Variants in OR2A14 observed in about 807,000 individuals in gnomAD.
The protein encoded by OR2A14 is olfactory receptor 2A14.
OR2A14 carries 2 observed loss-of-function variants against 2.4 expected under a neutral mutation model. The ratio of observed to expected loss-of-function variants is 0.85; its 90% CI spans 0.35 to 2.67. The LOEUF (loss-of-function observed/expected upper bound fraction) is 2.67. OR2A14 is among the 30% of genes most tolerant of loss of function. OR2A14 has a pLI of 0.10. For synonymous variants in OR2A14, 160 were observed against 156.3 expected (o/e 1.02, Z -0.18); for missense variants, 390 against 379.4 (o/e 1.03, Z -0.23).
At chr7:144,124,883 C>A (rs1014661631) in intron 1 of OR2A14, among the ~76,000 whole-genome samples, 1 of 151,948 alleles carries the variant, frequency 6.6e-6, no homozygotes, top group Non-Finnish European at 1.5e-5. Flanking sequence ...GAAATCAAAG[C>A]AAAATGTGTG....
intron 1 of OR2A14, among the ~76,000 whole-genome samples, chr7:144,126,283 A>G (rs1422429664): frequency 3.3e-5 from 5 of 152,246 alleles, no homozygotes; most frequent in Admixed American, 1.3e-4. Context: ...AGCTAAACTG[A>G]TGAATTTTTT....
At chr7:144,124,146 C>G (rs1409782579) in intron 1 of OR2A14, among the ~76,000 whole-genome samples, 1 of 152,118 alleles carries the variant, frequency 6.6e-6, no homozygotes, top group Non-Finnish European at 1.5e-5. Context: ...GCTCAGGAAT[C>G]CATGCTTGTT....
intron 1 of OR2A14, among the ~76,000 whole-genome samples, chr7:144,128,115 T>C (rs1264751965): frequency 6.6e-6 from 1 of 152,194 alleles, no homozygotes; most frequent in African/African-American, 2.4e-5. Context: ...TGGGAATATA[T>C]TGATGACAAA....
Position 144,130,226 on chromosome 7 carries a change from G to C in OR2A14, c.*181G>C, listed in dbSNP as rs1484775000. On this transcript the variant is annotated 3_prime_UTR_variant, in exon 2 of 2. Transcript: ENST00000641068. ...GATAGGTAAATGCATTTATAATACT[G>C]GATAGGCATAAATTCATAAAGAAGA... is the stretch of plus-strand genomic sequence containing the variant. The C allele has an allele frequency of 8.1e-6, 4 of 493,526 alleles. No homozygotes were observed. The highest frequency in any genetic ancestry group is 7.7e-5 in the African/African-American group (4 of 51,942). 30.6% of individuals were successfully genotyped at this position (493,526 alleles called of 1,614,324 possible).
chr7:144,124,711 C>T (rs1043837077), intron 1 of OR2A14, among the ~76,000 whole-genome samples: 1 of 152,088 alleles, frequency 6.6e-6, no homozygotes, highest in Non-Finnish European at 1.5e-5. Context: ...TTAATCCTCT[C>T]TCTATCATTG....
At chr7:144,127,944 A>G (rs557067453) in intron 1 of OR2A14, among the ~76,000 whole-genome samples, 2 of 152,318 alleles carry the variant, frequency 1.3e-5, no homozygotes, top group South Asian at 4.1e-4. Context: ...ACCCTCCAGG[A>G]AGAGCTCCTT....
chr7:144,126,932 A>G (rs535815875), intron 1 of OR2A14, among the ~76,000 whole-genome samples: 1 of 152,218 alleles, frequency 6.6e-6, no homozygotes. Flanking sequence ...AAATGCATGC[A>G]GGTGAAACAG....
intron 1 of OR2A14, 79 bp from the exon 2 acceptor site, chr7:144,129,000 C>G (rs2051505081): frequency 1.1e-6 from 1 of 896,928 alleles, no homozygotes. Context: ...GGCAACATAT[C>G]TGAGAATAAA....
chr7:144,124,602 G>A (rs887549407), intron 1 of OR2A14, among the ~76,000 whole-genome samples: 4 of 152,112 alleles, frequency 2.6e-5, no homozygotes, highest in African/African-American at 7.2e-5. Flanking sequence ...CACTGCTGGA[G>A]GCCCCAGGGC....
rs891468117 is a variant in OR2A14, at chr7:144,131,021, G to A, written c.*976G>A. 6.6e-6 allele frequency: 1 copy of A among 152,216 alleles called. No individual in the cohort carries two copies. Among genetic ancestry groups the A allele is most frequent in the African/African-American group, 2.4e-5 (1 of 41,446 alleles). 9.4% of individuals were successfully genotyped at this position (152,216 alleles called of 1,614,324 possible). A position where few individuals can be genotyped will look rare whatever the true frequency, so the allele number is the denominator to read the frequency against. On this transcript the variant is annotated 3_prime_UTR_variant, in exon 2 of 2. Coordinates refer to ENST00000641068, the MANE Select transcript of OR2A14 (RefSeq NM_001001659.3). ...TAGTTCCAGCTGATCCCACTTTAGA[G>A]ACCCTCACTGGGTGGGGCCTCAGGG...
rs1250676855 is a variant in OR2A14, at chr7:144,129,130, A to G, written c.18A>G (p.Thr6=). 3 of 1,613,412 alleles carry G rather than the reference A, an allele frequency of 1.9e-6. No homozygotes were observed. Among genetic ancestry groups the G allele is most frequent in the South Asian group, 1.1e-5 (1 of 91,010 alleles). MEGNK[T]WITDITLPRF... ...ACAAGAGCATGGAAGGCAACAAGAC[A>G]TGGATCACAGACATCACCTTGCCGC... The change falls in exon 2 of 2, where the codon ACA becomes ACG. Residue 6 remains threonine (T), a synonymous_variant. Coordinates refer to ENST00000641068, the MANE Select transcript of OR2A14 (RefSeq NM_001001659.3).
intron 1 of OR2A14, among the ~76,000 whole-genome samples, chr7:144,124,321 GC>G (rs1352422963): frequency 6.6e-6 from 1 of 152,050 alleles, no homozygotes; most frequent in Non-Finnish European, 1.5e-5. Context: ...AATTAGCCAG[GC>G]ATGGTGGTGC....
At chr7:144,125,508 A>C (rs2051476185) in intron 1 of OR2A14, among the ~76,000 whole-genome samples, 1 of 152,238 alleles carries the variant, frequency 6.6e-6, no homozygotes, top group Non-Finnish European at 1.5e-5. Flanking sequence ...ATAAAAGGAA[A>C]AAAACTATTT....
At chr7:144,127,008 G>C (rs917053785) in intron 1 of OR2A14, among the ~76,000 whole-genome samples, 15 of 152,190 alleles carry the variant, frequency 9.9e-5, no homozygotes, top group Non-Finnish European at 2.1e-4. Flanking sequence ...TTAGGGGAAA[G>C]AGAGAGGCAG....
intron 1 of OR2A14, among the ~76,000 whole-genome samples, chr7:144,125,527 T>C (rs1416459456): frequency 6.6e-6 from 1 of 152,226 alleles, no homozygotes; most frequent in African/African-American, 2.4e-5. Flanking sequence ...TTTCCTCTTA[T>C]ACTGTATATT....
chr7:144,128,042 T>C (rs1205919607), intron 1 of OR2A14, among the ~76,000 whole-genome samples: 1 of 152,186 alleles, frequency 6.6e-6, no homozygotes, highest in Non-Finnish European at 1.5e-5. Context: ...GCTGCTGGCA[T>C]GATCACAGGT....
At position 144,129,303 on chromosome 7, in the gene OR2A14, A is replaced by C. The variant is rs1563053892; in HGVS notation, c.191A>C (p.His64Pro). The C allele has an allele frequency of 6.2e-7, 1 of 1,614,072 alleles. No homozygotes were observed. Among genetic ancestry groups the C allele is most frequent in the Admixed American group, 1.7e-5 (1 of 60,006 alleles). ...LHTPMYFFLS[H>P]LAIVDISYAS... The stretch of plus-strand genomic sequence containing the variant: ...ACACCCATGTACTTCTTCCTCTCAC[A>C]CCTGGCCATTGTTGACATATCCTAT... The change falls in exon 2 of 2, where the codon CAC (histidine) becomes CCC (proline). Residue 64 changes from histidine (H) to proline (P), a missense_variant. Coordinates refer to ENST00000641068, the MANE Select transcript of OR2A14 (RefSeq NM_001001659.3).
chr7:144,129,388 C>T lies in OR2A14; in HGVS notation c.276C>T (p.Ser92=). ...TTATGAACCAGGAAAGCACCATCTC[C>T]TTTTTTCCATGCATAATGCAGACAT... ...TNLMNQESTI[S]FFPCIMQTFL... Residue 92 remains serine, a synonymous_variant, in exon 2 of 2, where the codon TCC becomes TCT. Transcript: ENST00000641068. 6.2e-7 allele frequency: 1 copy of T among 1,614,204 alleles called. No homozygotes were observed. The highest frequency in any genetic ancestry group is 8.5e-7 in the Non-Finnish European group (1 of 1,180,032).
At chr7:144,126,001 A>C (rs1356935873) in intron 1 of OR2A14, among the ~76,000 whole-genome samples, 5 of 152,186 alleles carry the variant, frequency 3.3e-5, no homozygotes, top group Non-Finnish European at 4.4e-5. Context: ...GGAGGGACTA[A>C]AAATATGCAA....
Sources: allele counts gnomAD v4.1 joint callset (sites outside exome capture counted in the v4.1 genomes callset), GRCh38; gene constraint gnomAD v4.1.1; transcripts MANE v1.5; gene names NCBI Gene and HGNC (gene_info 2026-07-23, HGNC 2026-07-21).